The following ZNF385D variants were observed in gnomAD, a reference collection of about 807,000 sequenced individuals.
ZNF385D encodes zinc finger protein 659.
A neutral mutation model predicts 35.8 loss-of-function variants in ZNF385D; 15 were observed. That is an observed-to-expected ratio of 0.42 (90% CI 0.28 to 0.64). The LOEUF (loss-of-function observed/expected upper bound fraction) is 0.64, where lower values mean the gene tolerates loss of function less well. Ranked by LOEUF, ZNF385D falls within the 30% of genes least tolerant of loss-of-function variation. The pLI, the probability that ZNF385D is intolerant of heterozygous loss-of-function variation, is 0.23. For synonymous variants in ZNF385D, 212 were observed against 186.8 expected (o/e 1.13, Z -1.10); for missense variants, 474 against 494.6 (o/e 0.96, Z 0.39).
intron 2 of ZNF385D, among the ~76,000 whole-genome samples, chr3:22,315,959 T>C (rs1480440937): frequency 6.6e-6 from 1 of 152,190 alleles, no homozygotes; most frequent in Non-Finnish European, 1.5e-5. Flanking sequence ...GCTACAGTCA[T>C]GTAGCCAGAG....
At chr3:22,042,432 TA>T (rs150131463) in intron 3 of ZNF385D, among the ~76,000 whole-genome samples, 3,541 of 148,404 alleles carry the variant, frequency 0.024, 111 homozygotes, top group African/African-American at 0.07. Context: ...GTGATAGGGC[TA>T]AAAAAAAAAG....
chr3:22,319,685 A>G (rs1694309049), intron 2 of ZNF385D, among the ~76,000 whole-genome samples: 2 of 152,158 alleles, frequency 1.3e-5, no homozygotes. Flanking sequence ...ATGTCCTCCC[A>G]GGAAGTAATC....
chr3:21,896,831 T>C (rs1699164457), intron 3 of ZNF385D, among the ~76,000 whole-genome samples: 1 of 151,304 alleles, frequency 6.6e-6, no homozygotes, highest in Non-Finnish European at 1.5e-5. Context: ...TTTTTTTTTT[T>C]TTTAAATGCT....
chr3:22,226,717 G>A (rs1200399234), intron 2 of ZNF385D, among the ~76,000 whole-genome samples: 4 of 151,968 alleles, frequency 2.6e-5, no homozygotes, highest in African/African-American at 9.7e-5. Context: ...TCCTCTCCAG[G>A]TACTCATCAG....
intron 4 of ZNF385D, among the ~76,000 whole-genome samples, chr3:21,460,349 T>C (rs1703087164): frequency 6.6e-6 from 1 of 152,174 alleles, no homozygotes. Context: ...AACTATTTCA[T>C]AGACACCAGA....
intron 2 of ZNF385D, among the ~76,000 whole-genome samples, chr3:22,341,762 T>C (rs1177185892): frequency 6.6e-6 from 1 of 152,186 alleles, no homozygotes; most frequent in East Asian, 1.9e-4. Context: ...AATGAAATTA[T>C]AACTCTGAGC....
intron 3 of ZNF385D, among the ~76,000 whole-genome samples, chr3:21,780,232 C>T (rs948361095): frequency 6.6e-6 from 1 of 151,990 alleles, no homozygotes; most frequent in Non-Finnish European, 1.5e-5. Flanking sequence ...CTACTTCAAC[C>T]TCTTTAACAA....
chr3:21,907,382 C>A (rs1242121669), intron 3 of ZNF385D, among the ~76,000 whole-genome samples: 1 of 152,118 alleles, frequency 6.6e-6, no homozygotes, highest in Non-Finnish European at 1.5e-5. Flanking sequence ...TTACCCTTCA[C>A]AATATCTTTT....
chr3:22,114,485 G>T lies in ZNF385D; in HGVS notation c.325+54332C>A, dbSNP rs909601145. Among the ~76,000 whole-genome samples, 10 of 152,140 alleles carry T rather than the reference G, an allele frequency of 6.6e-5. No individual in the cohort carries two copies. In the East Asian group the frequency reaches 1.5e-3, roughly 24 times the overall value. On this transcript the variant is annotated intron_variant, in intron 3 of 5. Coordinates refer to the ZNF385D transcript ENST00000494108. ...ATAAAAAGATAATGACTAGAGTAGTGCAAGTAGTTTATTTGGGAAGTGATC... is the reference window on the plus strand; with the variant it reads ...ATAAAAAGATAATGACTAGAGTAGTTCAAGTAGTTTATTTGGGAAGTGATC...
chr3:21,713,360 A>G (rs935925057), intron 1 of ZNF385D, among the ~76,000 whole-genome samples: 1 of 152,100 alleles, frequency 6.6e-6, no homozygotes, highest in Admixed American at 6.5e-5. Context: ...TCTTTTCACC[A>G]TCTTGGTGCT....
chr3:22,111,264 A>G (rs989838842), intron 3 of ZNF385D, among the ~76,000 whole-genome samples: 1 of 150,718 alleles, frequency 6.6e-6, no homozygotes, highest in African/African-American at 2.4e-5. Context: ...CGAGTATTCA[A>G]GAAAAGATTA....
chr3:21,852,541 G>T (rs1340512953), intron 3 of ZNF385D, among the ~76,000 whole-genome samples: 1 of 151,910 alleles, frequency 6.6e-6, no homozygotes, highest in Non-Finnish European at 1.5e-5. Flanking sequence ...TGTGTGATTG[G>T]TAGGGAATTA....
intron 2 of ZNF385D, among the ~76,000 whole-genome samples, chr3:22,169,998 A>G (rs1200669977): frequency 6.6e-6 from 1 of 152,218 alleles, no homozygotes; most frequent in Non-Finnish European, 1.5e-5. Flanking sequence ...ATTGTAATCT[A>G]TATTTAACAT....
Position 21,724,477 on chromosome 3 carries a change from C to CAAAAAAAAAAAAAAAAAA in ZNF385D, c.22+26400_22+26417dup, listed in dbSNP as rs200803155. On this transcript the variant is annotated intron_variant, in intron 1 of 7. Coordinates refer to ENST00000281523, the MANE Select transcript of ZNF385D (RefSeq NM_024697.3). Reference sequence around the variant, plus strand: ...AATATTTACCAAGCAAATGGAAAGCCAAAAAAAAAAAAAAAAAAAAAAAAA... The same window carrying CAAAAAAAAAAAAAAAAAA: ...AATATTTACCAAGCAAATGGAAAGCCAAAAAAAAAAAAAAAAAAAAAAAAAAAAAAAAAAAAAAAAAAA... Among the ~76,000 whole-genome samples the CAAAAAAAAAAAAAAAAAA allele has an allele frequency of 2.3e-4, 12 of 52,012 alleles. 2 individuals carry two copies. Among genetic ancestry groups the CAAAAAAAAAAAAAAAAAA allele is most frequent in the East Asian group, 8.6e-4 (2 of 2,318 alleles). 34.1% of individuals were successfully genotyped at this position (52,012 alleles called of 152,430 possible).
At chr3:21,831,449 G>T (rs1694979576) in intron 3 of ZNF385D, among the ~76,000 whole-genome samples, 1 of 152,156 alleles carries the variant, frequency 6.6e-6, no homozygotes, top group African/African-American at 2.4e-5. Context: ...CTTGACAAAT[G>T]ATCCCTAGAC....
At chr3:22,224,822 G>T (rs529441036) in intron 2 of ZNF385D, among the ~76,000 whole-genome samples, 5 of 152,278 alleles carry the variant, frequency 3.3e-5, no homozygotes, top group East Asian at 3.9e-4. Context: ...CTCCCTGCGT[G>T]GGGCACCATG....
At chr3:21,875,556 C>T (rs1228862776) in intron 3 of ZNF385D, among the ~76,000 whole-genome samples, 1 of 152,096 alleles carries the variant, frequency 6.6e-6, no homozygotes, top group Non-Finnish European at 1.5e-5. Context: ...CAAAAAGTCA[C>T]TCTACAGTCT....
intron 2 of ZNF385D, among the ~76,000 whole-genome samples, chr3:22,225,949 C>T (rs934411745): frequency 6.6e-6 from 1 of 152,126 alleles, no homozygotes; most frequent in African/African-American, 2.4e-5. Context: ...ACAAAGAGCA[C>T]AGGAAGGTTC....
intron 3 of ZNF385D, among the ~76,000 whole-genome samples, chr3:21,516,974 TA>T (rs201247867): frequency 6.6e-6 from 1 of 152,024 alleles, no homozygotes; most frequent in Admixed American, 6.6e-5. Context: ...TTTGTTTTTT[TA>T]AAAAAATCTA....
Sources: allele counts gnomAD v4.1 joint callset (sites outside exome capture counted in the v4.1 genomes callset), GRCh38; gene constraint gnomAD v4.1.1; transcripts MANE v1.5; gene names NCBI Gene and HGNC (gene_info 2026-07-23, HGNC 2026-07-21).